The following NIN variants were observed in gnomAD, a reference collection of about 807,000 sequenced individuals.
NIN encodes the protein glycogen synthase kinase 3 beta-interacting protein.
Under a neutral mutation model 257.6 loss-of-function variants are expected in NIN, and 137 were observed. The ratio of observed to expected loss-of-function variants is 0.53; its 90% confidence interval spans 0.46 to 0.61. The LOEUF (loss-of-function observed/expected upper bound fraction) is 0.61, where lower values mean the gene tolerates loss of function less well. Among genes scored for constraint, NIN ranks in the 20% least tolerant of loss-of-function variants. The pLI is 0.00. For missense variants in NIN, 2,439 were observed against 2,501.2 expected (o/e 0.98, Z 0.53); for synonymous variants, 918 against 919.8 (o/e 1.00, Z 0.04).
chr14:50,775,683 C>T (rs2042893671), intron 7 of NIN, among the ~76,000 whole-genome samples: 1 of 152,180 alleles, frequency 6.6e-6, no homozygotes, highest in African/African-American at 2.4e-5. Flanking sequence ...TTGGAAACCA[C>T]CACAGAAGAA....
intron 25 of NIN, among the ~76,000 whole-genome samples, chr14:50,740,444 G>A (rs982653820): frequency 6.6e-6 from 1 of 152,176 alleles, no homozygotes; most frequent in East Asian, 1.9e-4. Context: ...GCCCTCCCGG[G>A]TTCAAGCGAT....
At chr14:50,829,824 A>AAGC (rs2045618815) in intron 2 of NIN, among the ~76,000 whole-genome samples, 1 of 152,144 alleles carries the variant, frequency 6.6e-6, no homozygotes, top group Non-Finnish European at 1.5e-5. Context: ...CGAGAGCTGG[A>AAGC]AGCAGTGACT....
chr14:50,727,441 G>C (rs990257106), intron 29 of NIN: 3 of 1,161,228 alleles, frequency 2.6e-6, no homozygotes, highest in African/African-American at 3.2e-5. Context: ...CTCTTTAAAG[G>C]GTATAAATAA....
chr14:50,775,222 A>G (rs763384608), intron 7 of NIN, among the ~76,000 whole-genome samples: 24 of 152,140 alleles, frequency 1.6e-4, no homozygotes, highest in Non-Finnish European at 3.2e-4. Context: ...TCAATGTAGC[A>G]AAAAGTTCAA....
At chr14:50,770,109 C>T (rs1408276836) in intron 12 of NIN, among the ~76,000 whole-genome samples, 6 of 152,100 alleles carry the variant, frequency 3.9e-5, no homozygotes, top group African/African-American at 1.4e-4. Context: ...ATCAAGGGGT[C>T]AGCCAGGTGC....
intron 9 of NIN, 194 bp downstream of exon 9, chr14:50,772,107 A>C (rs2042760553): frequency 2.0e-6 from 1 of 496,672 alleles, no homozygotes; most frequent in African/African-American, 1.9e-5. Context: ...CTGGGGGTTA[A>C]AAACACGGAA....
At chr14:50,763,576 A>G (rs2042354922) in intron 15 of NIN, among the ~76,000 whole-genome samples, 1 of 152,184 alleles carries the variant, frequency 6.6e-6, no homozygotes. Context: ...CAAAGCAAAT[A>G]CCCTTGTGGT....
chr14:50,807,867 G>C (rs1389583332), intron 3 of NIN, among the ~76,000 whole-genome samples: 1 of 152,146 alleles, frequency 6.6e-6, no homozygotes, highest in Non-Finnish European at 1.5e-5. Flanking sequence ...TCATAAAATT[G>C]TATCTCCTTG....
intron 4 of NIN, among the ~76,000 whole-genome samples, chr14:50,794,990 A>G (rs2043775840): frequency 6.6e-6 from 1 of 152,120 alleles, no homozygotes; most frequent in Non-Finnish European, 1.5e-5. Context: ...GTTTTGGTTT[A>G]TTTACTCATT....
In NIN at chr14:50,774,721, T is replaced by C. The variant is rs753375663; in HGVS notation, c.667-1626A>G. Among the ~76,000 whole-genome samples the C allele has an allele frequency of 1.3e-4, 20 of 152,232 alleles. 1 individual carries two copies. The highest frequency in any genetic ancestry group is 5.2e-4 in the Admixed American group (8 of 15,290). On this transcript the variant is annotated intron_variant, in intron 7 of 30. Coordinates refer to ENST00000530997, the MANE Select transcript of NIN (RefSeq NM_020921.4). ...ACATTAGATCCACACTGCTTGACCT[T>C]GTGACATTAGCCAAATCAGTGCACA...
intron 4 of NIN, among the ~76,000 whole-genome samples, chr14:50,803,048 G>A (rs1285797626): frequency 3.3e-5 from 5 of 151,912 alleles, no homozygotes; most frequent in Admixed American, 1.3e-4. Context: ...TTTCAAAAAG[G>A]CAAAACAAAA....
chr14:50,738,018 G>A, intron 27 of NIN, 122 bp downstream of exon 27: 3 of 944,250 alleles, frequency 3.2e-6, no homozygotes, highest in Non-Finnish European at 3.2e-6. Context: ...ACAGCATAAA[G>A]AGATACATGC....
chr14:50,741,527 A>T, intron 25 of NIN, 55 bp downstream of exon 25: 1 of 1,527,166 alleles, frequency 6.5e-7, no homozygotes. Flanking sequence ...TTGTCCTAAG[A>T]TTTGTATACT....
Position 50,741,697 on chromosome 14 carries a change from A to C in NIN, c.5333T>G (p.Val1778Gly). Residue 1778 changes from valine (V) to glycine (G), a missense_variant, in exon 25 of 31, where the codon GTA becomes GGA. Coordinates refer to ENST00000530997, the MANE Select transcript of NIN (RefSeq NM_020921.4). ...VQNLEDTVQNVNLQMSRMKSD... is the reference protein window; with the variant it reads ...VQNLEDTVQNGNLQMSRMKSD... ...TTTCATCCGGGACATTTGCAGGTTT[A>C]CATTCTGCACGGTGTCTTCTAAATT... The C allele has an allele frequency of 6.2e-7, 1 of 1,613,972 alleles. No homozygotes were observed. Among genetic ancestry groups the C allele is most frequent in the Non-Finnish European group, 8.5e-7 (1 of 1,179,928 alleles).
intron 21 of NIN, 146 bp from the exon 22 acceptor site, chr14:50,748,251 TC>T (rs1384798790): frequency 1.8e-5 from 10 of 568,776 alleles, no homozygotes; most frequent in Admixed American, 3.0e-5. Flanking sequence ...TAAAAGACTT[TC>T]CACTTAAATG....
chr14:50,744,440 G>C (rs1466348718), intron 22 of NIN, 75 bp from the exon 23 acceptor site: 1 of 1,477,466 alleles, frequency 6.8e-7, no homozygotes, highest in Non-Finnish European at 9.3e-7. Flanking sequence ...TCTAAATAGG[G>C]CATTTTCACA....
At chr14:50,811,223 C>T (rs1285503818) in intron 3 of NIN, among the ~76,000 whole-genome samples, 1 of 151,798 alleles carries the variant, frequency 6.6e-6, no homozygotes, top group African/African-American at 2.4e-5. Flanking sequence ...ATTCTCCTGC[C>T]TCAGCCTCAT....
intron 28 of NIN, among the ~76,000 whole-genome samples, chr14:50,733,863 T>G (rs929289976): frequency 3.3e-5 from 5 of 152,164 alleles, no homozygotes; most frequent in Non-Finnish European, 5.9e-5. Flanking sequence ...AAAAAATGGT[T>G]TAGACTTCAC....
At chr14:50,723,994 T>C in intron 30 of NIN, 1 of 282,046 alleles carries the variant, frequency 3.5e-6, no homozygotes, top group East Asian at 6.7e-5. Flanking sequence ...AAATATCAAA[T>C]ACTTTTATAA....
Sources: allele counts gnomAD v4.1 joint callset (sites outside exome capture counted in the v4.1 genomes callset), GRCh38; gene constraint gnomAD v4.1.1; transcripts MANE v1.5; gene names NCBI Gene and HGNC (gene_info 2026-07-23, HGNC 2026-07-21).